GRIK4: variants seen among roughly 807,000 people sequenced by gnomAD.
GRIK4 encodes the protein glutamate ionotropic receptor kainate type subunit 4.
A neutral mutation model predicts 104.9 loss-of-function variants in GRIK4; 40 were observed. The observed-to-expected ratio is 0.38, with a 90% CI of 0.30 to 0.50. The LOEUF (loss-of-function observed/expected upper bound fraction) is 0.50, where lower values mean the gene tolerates loss of function less well. GRIK4 is among the 20% of genes least tolerant of loss of function. The pLI, the probability that GRIK4 is intolerant of heterozygous loss-of-function variation, is 0.93. For synonymous variants in GRIK4, 485 were observed against 524.9 expected (o/e 0.92, Z 1.04); for missense variants, 1,047 against 1,308.1 (o/e 0.80, Z 3.08).
In GRIK4 at chr11:120,905,127, G is replaced by A. The variant is rs1942837218; in HGVS notation, c.1273-163G>A. Among the ~76,000 whole-genome samples, 1 of 152,098 alleles carries A rather than the reference G, an allele frequency of 6.6e-6. No individual in the cohort carries two copies. The highest frequency in any genetic ancestry group is 1.5e-5 in the Non-Finnish European group (1 of 68,020). ...AGGACAGCTTTAAGGAGCACATCAG[G>A]GAGAGGAGCTGGTCATCACCCCAAA... On this transcript the variant is annotated intron_variant, in intron 12 of 20. Transcript: ENST00000527524. The surrounding 1 kb of genome is among the most constrained non-coding windows in gnomAD (Gnocchi z 5.1).
chr11:120,927,672 A>G (rs1943383464), intron 13 of GRIK4, among the ~76,000 whole-genome samples: 1 of 152,152 alleles, frequency 6.6e-6, no homozygotes, highest in Non-Finnish European at 1.5e-5. Flanking sequence ...TCAATTATGA[A>G]TGTGGTCAAC....
Position 120,873,871 on chromosome 11 carries a change from GA to G in GRIK4, c.907-193del, listed in dbSNP as rs1592018194. The G allele has an allele frequency of 5.0e-5, 27 of 540,986 alleles. No individual in the cohort carries two copies. The East Asian group carries it at 8.1e-4, about 16-fold the overall frequency. The allele number at this position is 540,986 out of a possible 1,614,324, so 33.5% of individuals were successfully genotyped here. ...TTTGCCACCATTGTGTGTCTTGGGT[GA>G]ACACCTGACTATTAGATGAAGTAGA... On this transcript the variant is annotated intron_variant, in intron 9 of 20. Coordinates refer to ENST00000527524, the MANE Select transcript of GRIK4 (RefSeq NM_014619.5).
intron 1 of GRIK4, among the ~76,000 whole-genome samples, chr11:120,537,701 G>A (rs568530713): frequency 5.3e-5 from 8 of 152,334 alleles, no homozygotes; most frequent in South Asian, 2.1e-4. Context: ...CTTCCTCCTC[G>A]CCGCGCTGTG....
At chr11:120,560,537 G>T (rs190777275) in intron 1 of GRIK4, among the ~76,000 whole-genome samples, 2 of 152,284 alleles carry the variant, frequency 1.3e-5, no homozygotes, top group African/African-American at 4.8e-5. Flanking sequence ...TGTGTATATG[G>T]TATAGCTAGA....
chr11:120,522,895 AG>A (rs1294226439), intron 1 of GRIK4, among the ~76,000 whole-genome samples: 1 of 152,080 alleles, frequency 6.6e-6, no homozygotes, highest in African/African-American at 2.4e-5. Context: ...GCATGTTTCC[AG>A]AGTGCCTCCT....
chr11:120,939,991 A>C lies in GRIK4; in HGVS notation c.1477-356A>C. On this transcript the variant is annotated intron_variant, in intron 13 of 20. Transcript: ENST00000527524. The surrounding 1 kb of genome is among the most constrained non-coding windows in gnomAD (Gnocchi z 5.6). ...GGAGACCCTGTATCCAGAAAAAAAA[A>C]AAAAAGTATTGAGAATGCAGGAGCC... 6.6e-6 allele frequency among the ~76,000 whole-genome samples: 1 copy of C among 152,090 alleles called. No homozygotes were observed. Among genetic ancestry groups the C allele is most frequent in the East Asian group, 1.9e-4 (1 of 5,198 alleles).
At chr11:120,582,327 T>G (rs1489557210) in intron 1 of GRIK4, among the ~76,000 whole-genome samples, 1 of 151,862 alleles carries the variant, frequency 6.6e-6, no homozygotes, top group Non-Finnish European at 1.5e-5. Context: ...ACTTGTATTT[T>G]AGGTTTAGGG....
At chr11:120,621,163 T>A (rs1949183104) in intron 1 of GRIK4, among the ~76,000 whole-genome samples, 1 of 152,168 alleles carries the variant, frequency 6.6e-6, no homozygotes, top group South Asian at 2.1e-4. Context: ...ACGTTCATGC[T>A]GAGTCTTGGG....
intron 3 of GRIK4, among the ~76,000 whole-genome samples, chr11:120,705,232 CTTTTT>C (rs902505786): frequency 6.5e-5 from 9 of 139,084 alleles, no homozygotes; most frequent in African/African-American, 1.5e-4. Flanking sequence ...TCTTTCTTTT[CTTTTT>C]TTTTTTTTTT....
intron 8 of GRIK4, among the ~76,000 whole-genome samples, chr11:120,849,612 A>C (rs952749443): frequency 1.1e-4 from 16 of 152,248 alleles, no homozygotes; most frequent in African/African-American, 3.6e-4. Context: ...TTTAACCCTC[A>C]AAATAACACT....
intron 20 of GRIK4, among the ~76,000 whole-genome samples, chr11:120,984,204 G>A (rs771341164): frequency 6.6e-6 from 1 of 152,200 alleles, no homozygotes; most frequent in Non-Finnish European, 1.5e-5. Context: ...CTATGTTAGC[G>A]ATTTGGCTGT....
chr11:120,668,510 C>T (rs1307585465), intron 3 of GRIK4, among the ~76,000 whole-genome samples: 1 of 152,234 alleles, frequency 6.6e-6, no homozygotes, highest in Non-Finnish European at 1.5e-5. Flanking sequence ...CCATCACTCC[C>T]TGTGTTTCAG....
At position 120,711,834 on chromosome 11, in the gene GRIK4, C is replaced by T. The variant is rs73586365; in HGVS notation, c.82+51434C>T. Among the ~76,000 whole-genome samples the T allele has an allele frequency of 6.4e-3, 981 of 152,320 alleles. 9 individuals carry two copies. Among genetic ancestry groups the T allele is most frequent in the African/African-American group, 0.022 (911 of 41,560 alleles). On this transcript the variant is annotated intron_variant, in intron 3 of 20. Transcript: ENST00000527524. ...CAGGACAGAAAGGCTTTAAAGCTGA[C>T]GTGTAGCCCAGAGGAGACAGGAGGT...
chr11:120,987,582 C>T lies in GRIK4; in HGVS notation c.*1322C>T, dbSNP rs1944778064. ...AATACACGGGCCTGGGAACCAGGAACTCTTGAGTCGTAACCTCAGCTTGAG... is the reference window on the plus strand; with the variant it reads ...AATACACGGGCCTGGGAACCAGGAATTCTTGAGTCGTAACCTCAGCTTGAG... On this transcript the variant is annotated 3_prime_UTR_variant, in exon 21 of 21. Transcript: ENST00000527524. The T allele has an allele frequency of 2.0e-5, 3 of 152,210 alleles. No homozygotes were observed. Among genetic ancestry groups the T allele is most frequent in the Admixed American group, 2.0e-4 (3 of 15,284 alleles). 9.4% of individuals were successfully genotyped at this position (152,210 alleles called of 1,614,324 possible).
chr11:120,693,880 C>T (rs1050537403), intron 3 of GRIK4, among the ~76,000 whole-genome samples: 6 of 152,088 alleles, frequency 3.9e-5, no homozygotes, highest in African/African-American at 7.2e-5. Flanking sequence ...CAGAGGAGAG[C>T]GGTGCATTTG....
At chr11:120,700,078 A>G (rs1027553542) in intron 3 of GRIK4, among the ~76,000 whole-genome samples, 1 of 152,156 alleles carries the variant, frequency 6.6e-6, no homozygotes, top group Middle Eastern at 3.2e-3. Context: ...AGATAGTAAG[A>G]TGGTTACTAC....
chr11:120,660,802 A>G (rs867243916), intron 3 of GRIK4, among the ~76,000 whole-genome samples: 4 of 152,122 alleles, frequency 2.6e-5, no homozygotes, highest in Admixed American at 6.5e-5. Context: ...AGAGAGTGCT[A>G]TGTCCACAAC....
intron 1 of GRIK4, among the ~76,000 whole-genome samples, chr11:120,594,228 A>G (rs1948772210): frequency 6.6e-6 from 1 of 152,246 alleles, no homozygotes; most frequent in Non-Finnish European, 1.5e-5. Context: ...CTGTAATCCC[A>G]GTATTTTGGG....
intron 3 of GRIK4, among the ~76,000 whole-genome samples, chr11:120,742,744 C>T (rs1487509766): frequency 6.6e-6 from 1 of 152,132 alleles, no homozygotes. Context: ...TACCATTTTA[C>T]TCAACAATCC....
Sources: allele counts gnomAD v4.1 joint callset (sites outside exome capture counted in the v4.1 genomes callset), GRCh38; gene constraint gnomAD v4.1.1; non-coding constraint Gnocchi (gnomAD v3.1); transcripts MANE v1.5; gene names NCBI Gene and HGNC (gene_info 2026-07-23, HGNC 2026-07-21).